Variants in KIFAP3 observed in about 807,000 individuals in gnomAD.
KIFAP3 encodes the protein kinesin-associated protein 3.
Under a neutral mutation model 106.5 loss-of-function variants are expected in KIFAP3, and 68 were observed. The ratio of observed to expected loss-of-function variants is 0.64; its 90% CI spans 0.53 to 0.78. The LOEUF (loss-of-function observed/expected upper bound fraction) is 0.78, where lower values mean the gene tolerates loss of function less well. KIFAP3 is among the 30% of genes least tolerant of loss of function. The pLI, the probability that KIFAP3 is intolerant of heterozygous loss-of-function variation, is 0.00. For synonymous variants in KIFAP3, 320 were observed against 311.5 expected (o/e 1.03, Z -0.29); for missense variants, 780 against 941.8 (o/e 0.83, Z 2.25).
chr1:169,954,647 A>AAC (rs1424203164), intron 18 of KIFAP3, among the ~76,000 whole-genome samples: 1 of 152,200 alleles, frequency 6.6e-6, no homozygotes. Flanking sequence ...CAGACATTAA[A>AAC]ACACACACAC....
At chr1:169,967,721 C>T (rs1665699206) in intron 17 of KIFAP3, among the ~76,000 whole-genome samples, 1 of 151,836 alleles carries the variant, frequency 6.6e-6, no homozygotes, top group Non-Finnish European at 1.5e-5. Context: ...GTTGAAATAA[C>T]TATCCCAAAT....
At chr1:169,998,152 C>A (rs1452654305) in intron 10 of KIFAP3, among the ~76,000 whole-genome samples, 2 of 151,858 alleles carry the variant, frequency 1.3e-5, no homozygotes, top group Admixed American at 1.3e-4. Flanking sequence ...CTTACTTTCA[C>A]TCTTAAAGTG....
chr1:169,963,508 T>C (rs190181788), intron 17 of KIFAP3, among the ~76,000 whole-genome samples: 1 of 152,248 alleles, frequency 6.6e-6, no homozygotes. Context: ...TTTTTTGTTG[T>C]TGTTGAGATG....
intron 19 of KIFAP3, among the ~76,000 whole-genome samples, chr1:169,936,039 C>T (rs1396569896): frequency 6.6e-6 from 1 of 151,822 alleles, no homozygotes; most frequent in East Asian, 1.9e-4. Flanking sequence ...CTCCAGACAT[C>T]GCCTCCATTT....
At chr1:170,066,152 C>G (rs1487964212) in intron 1 of KIFAP3, among the ~76,000 whole-genome samples, 1 of 142,380 alleles carries the variant, frequency 7.0e-6, no homozygotes, top group African/African-American at 2.6e-5. Flanking sequence ...TGCTACTTCA[C>G]AAATTGCAGG....
intron 19 of KIFAP3, among the ~76,000 whole-genome samples, chr1:169,938,983 A>C (rs889905736): frequency 7.9e-5 from 12 of 152,218 alleles, no homozygotes; most frequent in Admixed American, 7.9e-4. Flanking sequence ...GGAGATGTAG[A>C]TAAGTGTCAA....
chr1:170,011,752 A>G (rs950379406), intron 10 of KIFAP3, among the ~76,000 whole-genome samples: 4 of 152,070 alleles, frequency 2.6e-5, no homozygotes, highest in Non-Finnish European at 4.4e-5. Flanking sequence ...TCCTTACTAT[A>G]TCTTTTGTAT....
chr1:169,980,834 G>A (rs1304373803), intron 15 of KIFAP3, among the ~76,000 whole-genome samples: 2 of 152,274 alleles, frequency 1.3e-5, no homozygotes, highest in East Asian at 3.9e-4. Context: ...GGGCACAGTG[G>A]CTCACGCCTG....
At chr1:170,057,829 A>G (rs754360244) in intron 1 of KIFAP3, among the ~76,000 whole-genome samples, 1 of 152,160 alleles carries the variant, frequency 6.6e-6, no homozygotes, top group Non-Finnish European at 1.5e-5. Flanking sequence ...TATGACACTG[A>G]TATTAAATTG....
At chr1:170,072,594 T>G (rs530632500) in intron 1 of KIFAP3, among the ~76,000 whole-genome samples, 1 of 152,176 alleles carries the variant, frequency 6.6e-6, no homozygotes, top group Admixed American at 6.5e-5. Context: ...TCAAAAAAAA[T>G]TATTTTTGTA....
chr1:170,066,321 C>G (rs992842962), intron 1 of KIFAP3, among the ~76,000 whole-genome samples: 4 of 151,992 alleles, frequency 2.6e-5, no homozygotes, highest in African/African-American at 7.2e-5. Context: ...TATATGTACT[C>G]AAATATTTAT....
intron 19 of KIFAP3, among the ~76,000 whole-genome samples, chr1:169,928,127 T>C (rs1377176594): frequency 6.6e-6 from 1 of 150,828 alleles, no homozygotes; most frequent in Admixed American, 6.6e-5. Flanking sequence ...TGAGATGGAG[T>C]CTTGCTCTGT....
At chr1:170,084,608 G>T (rs1481838169) in intron 1 of KIFAP3, among the ~76,000 whole-genome samples, 2 of 152,138 alleles carry the variant, frequency 1.3e-5, no homozygotes, top group African/African-American at 4.8e-5. Context: ...ATAAAATTTT[G>T]CTTAGCAGAG....
chr1:169,987,514 GC>G (rs1261151287), intron 11 of KIFAP3, among the ~76,000 whole-genome samples: 1 of 151,994 alleles, frequency 6.6e-6, no homozygotes, highest in African/African-American at 2.4e-5. Context: ...AACTTTGCAT[GC>G]CTCCGGAATC....
At position 170,006,861 on chromosome 1, in the gene KIFAP3, G is replaced by A. The variant is rs146984739; in HGVS notation, c.1183+9601C>T. 6.2e-3 allele frequency among the ~76,000 whole-genome samples: 937 copies of A among 152,206 alleles called. 4 individuals carry two copies. The highest frequency in any genetic ancestry group is 0.02 in the African/African-American group (847 of 41,530). ...TTCTATTGCTATTTAGAAGACATCC[G>A]TATAGGCAGAGTATTTAAATGGAAT... On this transcript the variant is annotated intron_variant, in intron 10 of 19. Coordinates refer to ENST00000361580, the MANE Select transcript of KIFAP3 (RefSeq NM_014970.4).
At chr1:169,928,416 A>G (rs1663266645) in intron 19 of KIFAP3, among the ~76,000 whole-genome samples, 1 of 152,112 alleles carries the variant, frequency 6.6e-6, no homozygotes, top group Non-Finnish European at 1.5e-5. Flanking sequence ...CTCTTTTAAA[A>G]TAGTTTTTTT....
At chr1:170,063,504 C>T (rs1223459875) in intron 1 of KIFAP3, among the ~76,000 whole-genome samples, 1 of 152,168 alleles carries the variant, frequency 6.6e-6, no homozygotes, top group African/African-American at 2.4e-5. Context: ...CTTGAAAAAC[C>T]CTAACTTCCA....
chr1:169,995,714 A>G (rs1478707449), intron 10 of KIFAP3, among the ~76,000 whole-genome samples: 3 of 152,174 alleles, frequency 2.0e-5, no homozygotes, highest in African/African-American at 7.2e-5. Context: ...CAATGAAAAA[A>G]TTCTAAAAAG....
chr1:169,970,333 G>A (rs659363), intron 17 of KIFAP3, among the ~76,000 whole-genome samples: 142,414 of 152,106 alleles, frequency 0.94, 66,755 homozygotes, highest in East Asian at 1. Context: ...AATCCTCCTT[G>A]GTATCCAGAG....
Sources: allele counts gnomAD v4.1 joint callset (sites outside exome capture counted in the v4.1 genomes callset), GRCh38; gene constraint gnomAD v4.1.1; transcripts MANE v1.5; gene names NCBI Gene and HGNC (gene_info 2026-07-23, HGNC 2026-07-21).